Variants in PPP2R5C observed in about 807,000 individuals in gnomAD.
The protein encoded by PPP2R5C is protein phosphatase 2 regulatory subunit B'gamma, also known as serine/threonine-protein phosphatase 2A 56 kDa regulatory subunit gamma isoform.
PPP2R5C carries 7 observed loss-of-function variants against 68.9 expected under a neutral mutation model. That is an observed-to-expected ratio of 0.10 (90% CI 0.06 to 0.19). The LOEUF is 0.19. PPP2R5C is among the 10% of genes least tolerant of loss of function. PPP2R5C has a pLI of 1.00. For missense variants in PPP2R5C, 348 were observed against 641.3 expected (o/e 0.54, Z 4.94); for synonymous variants, 210 against 222.2 (o/e 0.95, Z 0.49).
intron 1 of PPP2R5C, among the ~76,000 whole-genome samples, chr14:101,853,157 A>G (rs8021062): frequency 0.043 from 6,556 of 152,238 alleles, 166 homozygotes; most frequent in African/African-American, 0.053. Flanking sequence ...ATTAACTTGT[A>G]TTCAAAAAAA....
At chr14:101,870,035 T>A (rs901299680) in intron 2 of PPP2R5C, among the ~76,000 whole-genome samples, 1 of 145,334 alleles carries the variant, frequency 6.9e-6, no homozygotes, top group Admixed American at 7.0e-5. Context: ...TGTTTTTCAA[T>A]TGGGCTTTTT....
At chr14:101,771,265 A>ATT (rs1328522586) in intron 2 of PPP2R5C, among the ~76,000 whole-genome samples, 2 of 64,154 alleles carry the variant, frequency 3.1e-5, no homozygotes, top group African/African-American at 1.2e-4. Context: ...GTGTGTGTGT[A>ATT]TTTTTTTGAG....
intron 2 of PPP2R5C, among the ~76,000 whole-genome samples, chr14:101,863,098 A>T (rs2042853328): frequency 6.6e-6 from 1 of 151,976 alleles, no homozygotes; most frequent in African/African-American, 2.4e-5. Flanking sequence ...ACCTGAGGTC[A>T]GGAGTTCAAG....
rs2041036617 is a variant in PPP2R5C, at chr14:101,835,647, G to A, written c.95-21039G>A. ...TAATATTCTTGTTAAGGCATCTGAG[G>A]TCTCCCGGGGGACAGACACAGTCTT... On this transcript the variant is annotated intron_variant, in intron 1 of 13. Coordinates refer to ENST00000334743, the Ensembl canonical transcript of PPP2R5C. The surrounding 1 kb of genome is among the most constrained non-coding windows in gnomAD (Gnocchi z 5.0). 1.3e-5 allele frequency among the ~76,000 whole-genome samples: 2 copies of A among 152,242 alleles called. No homozygotes were observed. Among genetic ancestry groups the A allele is most frequent in the Admixed American group, 1.3e-4 (2 of 15,276 alleles).
At chr14:101,764,286 A>G (rs949602651) in intron 2 of PPP2R5C, among the ~76,000 whole-genome samples, 47 of 152,246 alleles carry the variant, frequency 3.1e-4, no homozygotes, top group African/African-American at 9.6e-4. Context: ...AGGCAGAGCC[A>G]GTAGGTCCTT....
intron 3 of PPP2R5C, among the ~76,000 whole-genome samples, chr14:101,792,143 G>C (rs968061930): frequency 6.6e-6 from 1 of 152,128 alleles, no homozygotes; most frequent in African/African-American, 2.4e-5. Flanking sequence ...ATACATCAGA[G>C]GCAACGCTTT....
In PPP2R5C at chr14:101,835,224, G is replaced by GGTGCT. The variant is rs1005107920; in HGVS notation, c.95-21459_95-21455dup. Among the ~76,000 whole-genome samples the GGTGCT allele has an allele frequency of 6.6e-6, 1 of 152,196 alleles. No homozygotes were observed. Among genetic ancestry groups the GGTGCT allele is most frequent in the African/African-American group, 2.4e-5 (1 of 41,460 alleles). On this transcript the variant is annotated intron_variant, in intron 1 of 13. Transcript: ENST00000334743. The surrounding 1 kb of genome is among the most constrained non-coding windows in gnomAD (Gnocchi z 5.0). ...GGGCCATCCAAGGAAGCAAAGATGT[G>GGTGCT]GTGCTGTCCTGTGGCTGGGGGAGCA...
Position 101,797,594 on chromosome 14 carries a change from T to A in PPP2R5C, c.259+11411T>A, listed in dbSNP as rs1169120946. On this transcript the variant is annotated intron_variant, in intron 3 of 14. Coordinates refer to the PPP2R5C transcript ENST00000328724. The surrounding 1 kb of genome is among the most constrained non-coding windows in gnomAD (Gnocchi z 4.2). ...CCCTTCACCTCCCTCCACCTCGGAT[T>A]TCCTCTTGGAAAATGAGGCTCCTGA... 4.2e-6 allele frequency: 1 copy of A among 238,506 alleles called. No homozygotes were observed. Among genetic ancestry groups the A allele is most frequent in the East Asian group, 1.1e-4 (1 of 9,044 alleles). 14.8% of individuals were successfully genotyped at this position (238,506 alleles called of 1,614,324 possible).
At chr14:101,816,013 G>A (rs1047376932) in intron 1 of PPP2R5C, among the ~76,000 whole-genome samples, 1 of 152,224 alleles carries the variant, frequency 6.6e-6, no homozygotes, top group African/African-American at 2.4e-5. Context: ...AGTGGAATGA[G>A]AAGCTCATGA....
intron 1 of PPP2R5C, among the ~76,000 whole-genome samples, chr14:101,845,318 T>A (rs1043414791): frequency 6.6e-6 from 1 of 152,044 alleles, no homozygotes; most frequent in Non-Finnish European, 1.5e-5. Flanking sequence ...TTTGGCAGAG[T>A]CTGAACCGGG....
chr14:101,910,965 G>A (rs1003391774), intron 11 of PPP2R5C, among the ~76,000 whole-genome samples: 1 of 152,152 alleles, frequency 6.6e-6, no homozygotes, highest in Non-Finnish European at 1.5e-5. Flanking sequence ...TTAGCCGGGC[G>A]TGGTGGCAGG....
chr14:101,809,708 C>T (rs576925783), upstream of PPP2R5C: 8 of 791,182 alleles, frequency 1.0e-5, no homozygotes, highest in East Asian at 2.3e-4. Context: ...GAAAATATCC[C>T]AGCTTTTAAG....
intron 1 of PPP2R5C, among the ~76,000 whole-genome samples, chr14:101,855,849 CCT>C (rs951664603): frequency 6.6e-6 from 1 of 152,190 alleles, no homozygotes; most frequent in African/African-American, 2.4e-5. Context: ...ATTTTCTAAA[CCT>C]CTTTCTTTAT....
At chr14:101,881,063 A>G (rs542020701) in intron 2 of PPP2R5C, among the ~76,000 whole-genome samples, 2 of 152,222 alleles carry the variant, frequency 1.3e-5, no homozygotes, top group East Asian at 3.9e-4. Context: ...CCGTTCAGAG[A>G]TTCAATAAGG....
intron 2 of PPP2R5C, among the ~76,000 whole-genome samples, chr14:101,866,300 A>G (rs932859364): frequency 6.6e-6 from 1 of 152,264 alleles, no homozygotes; most frequent in Non-Finnish European, 1.5e-5. Context: ...GGTCTGAAGT[A>G]TGATTTCATG....
At chr14:101,864,234 C>A (rs2042924793) in intron 2 of PPP2R5C, among the ~76,000 whole-genome samples, 1 of 152,106 alleles carries the variant, frequency 6.6e-6, no homozygotes, top group Non-Finnish European at 1.5e-5. Flanking sequence ...ACCTGAAGAT[C>A]AGAAAAGGAA....
chr14:101,839,792 T>A (rs2041345990), intron 1 of PPP2R5C, among the ~76,000 whole-genome samples: 1 of 152,224 alleles, frequency 6.6e-6, no homozygotes, highest in Non-Finnish European at 1.5e-5. Flanking sequence ...ACAATGGCAT[T>A]ACCTATTTGT....
At position 101,825,017 on chromosome 14, in the gene PPP2R5C, T is replaced by G. The variant is rs2040308721; in HGVS notation, c.94+14981T>G. On this transcript the variant is annotated intron_variant, in intron 1 of 13. Transcript: ENST00000334743. The surrounding 1 kb of genome is among the most constrained non-coding windows in gnomAD (Gnocchi z 4.0). ...GTAAGTAGCATCCCTTTATGACTGA[T>G]GAAAGGAGAGCAGCCGAGAGCAGTT... 6.6e-6 allele frequency: 1 copy of G among 152,248 alleles called. No homozygotes were observed. The highest frequency in any genetic ancestry group is 2.4e-5 in the African/African-American group (1 of 41,442). 9.4% of individuals were successfully genotyped at this position (152,248 alleles called of 1,614,324 possible).
At chr14:101,765,067 A>G (rs926975660) in intron 2 of PPP2R5C, 3 of 660,614 alleles carry the variant, frequency 4.5e-6, no homozygotes, top group Middle Eastern at 2.4e-4. Flanking sequence ...TGTGTTTTGA[A>G]AGCAGTTTGC....
Sources: gnomAD v4.1 joint callset for allele counts (sites outside exome capture counted in the v4.1 genomes callset) on GRCh38, gnomAD v4.1.1 for gene constraint, Gnocchi (gnomAD v3.1) non-coding constraint, MANE v1.5 for transcripts, NCBI Gene and HGNC (gene_info 2026-07-23, HGNC 2026-07-21) for gene names.